RPS6KC1: variants seen among roughly 807,000 people sequenced by gnomAD.
RPS6KC1 encodes the protein inactive ribosomal protein S6 kinase delta-1.
Under a neutral mutation model 103.8 loss-of-function variants are expected in RPS6KC1, and 54 were observed. That is an observed-to-expected ratio of 0.52 (90% CI 0.42 to 0.65). RPS6KC1 has a LOEUF of 0.65. Among genes scored for constraint, RPS6KC1 ranks in the 30% least tolerant of loss-of-function variants. The probability of loss-of-function intolerance (pLI) is 0.00; values close to 1 mark genes in which losing one functional copy is unlikely to be tolerated. For missense variants in RPS6KC1, 1,151 were observed against 1,253.8 expected (o/e 0.92, Z 1.24); for synonymous variants, 439 against 438.7 (o/e 1.00, Z -0.01).
At chr1:213,566,437 G>GTTTTTTTTTTTTTT in the RPS6KC1 span, among the ~76,000 whole-genome samples, 10 of 48,520 alleles carry the variant, frequency 2.1e-4, no homozygotes, top group East Asian at 9.2e-4. Context: ...TCAGCCTTTA[G>GTTTTTTTTTTTTTT]TTTTTTTTTT....
the RPS6KC1 span, among the ~76,000 whole-genome samples, chr1:213,496,632 C>A: frequency 6.6e-6 from 1 of 152,182 alleles, no homozygotes; most frequent in South Asian, 2.1e-4. Context: ...GTGGTACGTG[C>A]CTATAATCCC....
At chr1:213,852,242 T>A in the RPS6KC1 span, among the ~76,000 whole-genome samples, 1 of 152,226 alleles carries the variant, frequency 6.6e-6, no homozygotes, top group Admixed American at 6.5e-5. Flanking sequence ...CTCCTTAGCA[T>A]GGCATACAGA....
chr1:213,117,939 T>C (rs901463505), intron 5 of RPS6KC1, among the ~76,000 whole-genome samples: 1 of 145,890 alleles, frequency 6.9e-6, no homozygotes, highest in African/African-American at 2.6e-5. Flanking sequence ...CAAGAATCGC[T>C]TGAACCTGGG....
chr1:213,589,739 G>C, the RPS6KC1 span, among the ~76,000 whole-genome samples: 2 of 151,638 alleles, frequency 1.3e-5, no homozygotes, highest in African/African-American at 4.9e-5. Flanking sequence ...CCCATACATT[G>C]TACCACCCAT....
chr1:213,707,181 C>T, the RPS6KC1 span, among the ~76,000 whole-genome samples: 19 of 152,156 alleles, frequency 1.2e-4, no homozygotes, highest in Admixed American at 5.9e-4. Context: ...TAAAAGCATT[C>T]CTATTTCTCC....
At chr1:213,705,493 T>C in the RPS6KC1 span, among the ~76,000 whole-genome samples, 1 of 152,032 alleles carries the variant, frequency 6.6e-6, no homozygotes, top group Non-Finnish European at 1.5e-5. Context: ...GAATGCTGCC[T>C]GGGCCTGGGA....
chr1:213,197,129 G>C (rs558923429), intron 8 of RPS6KC1, among the ~76,000 whole-genome samples: 82 of 152,118 alleles, frequency 5.4e-4, no homozygotes, highest in African/African-American at 1.9e-3. Flanking sequence ...GAGCCACCGT[G>C]CCCGGCCTCT....
chr1:213,487,496 T>C, the RPS6KC1 span, among the ~76,000 whole-genome samples: 1,107 of 75,198 alleles, frequency 0.015, 13 homozygotes, highest in African/African-American at 0.046. Context: ...GCCTGAGTGA[T>C]TTTTTTTTTT....
At chr1:213,858,700 G>A in the RPS6KC1 span, among the ~76,000 whole-genome samples, 1 of 152,178 alleles carries the variant, frequency 6.6e-6, no homozygotes, top group Non-Finnish European at 1.5e-5. Context: ...TATGGCATTT[G>A]GCAGTGGCTC....
At chr1:213,061,619 C>T (rs1453995452) in intron 1 of RPS6KC1, among the ~76,000 whole-genome samples, 1 of 151,062 alleles carries the variant, frequency 6.6e-6, no homozygotes, top group African/African-American at 2.4e-5. Flanking sequence ...GTATGAAGTC[C>T]AGTTTAAATA....
Position 213,241,663 on chromosome 1 carries a change from T to A in RPS6KC1, c.2187T>A (p.Pro729=). Residue 729 remains proline (P), a synonymous_variant, in exon 11 of 15, where the codon CCT becomes CCA. Transcript: ENST00000366960. ...TAGAAAATAAACTCTTGGAAGCCCC[T>A]GATGTTTTATGCCTCAGGCTTAGTA... ...GIIENKLLEA[P]DVLCLRLSTE... 6.2e-7 allele frequency: 1 copy of A among 1,613,854 alleles called. No homozygotes were observed. Among genetic ancestry groups the A allele is most frequent in the Non-Finnish European group, 8.5e-7 (1 of 1,179,928 alleles).
At chr1:213,756,242 C>G in the RPS6KC1 span, among the ~76,000 whole-genome samples, 8 of 152,216 alleles carry the variant, frequency 5.3e-5, no homozygotes, top group East Asian at 1.5e-3. Flanking sequence ...GAGCAAAAGA[C>G]CATGTGCCCA....
At chr1:213,299,836 G>T in the RPS6KC1 span, among the ~76,000 whole-genome samples, 1 of 152,040 alleles carries the variant, frequency 6.6e-6, no homozygotes, top group East Asian at 1.9e-4. Flanking sequence ...ACGGAGTCTC[G>T]TTCTGTCGCC....
the RPS6KC1 span, among the ~76,000 whole-genome samples, chr1:213,466,244 CT>C: frequency 6.6e-6 from 1 of 151,890 alleles, no homozygotes; most frequent in Non-Finnish European, 1.5e-5. Flanking sequence ...AAGATCTGGC[CT>C]TTTAAAAGTT....
chr1:213,615,208 C>A, the RPS6KC1 span, among the ~76,000 whole-genome samples: 2 of 152,224 alleles, frequency 1.3e-5, no homozygotes, highest in African/African-American at 4.8e-5. Flanking sequence ...AGAGAACACA[C>A]CTTCAGCTCC....
At chr1:213,716,311 A>C in the RPS6KC1 span, among the ~76,000 whole-genome samples, 1 of 152,184 alleles carries the variant, frequency 6.6e-6, no homozygotes, top group Non-Finnish European at 1.5e-5. Context: ...TGGACGAGGC[A>C]TCCTGGGGCT....
the RPS6KC1 span, among the ~76,000 whole-genome samples, chr1:213,398,351 C>G: frequency 6.6e-6 from 1 of 152,104 alleles, no homozygotes; most frequent in East Asian, 1.9e-4. Context: ...CTGGCCTCAT[C>G]AGCTTTGACT....
chr1:213,703,832 C>G, the RPS6KC1 span, among the ~76,000 whole-genome samples: 1 of 152,052 alleles, frequency 6.6e-6, no homozygotes, highest in Non-Finnish European at 1.5e-5. Flanking sequence ...CCTTGGTGTT[C>G]ATAACCTTCT....
At chr1:213,057,776 T>TTTTTTTTTG (rs2077461608) in intron 1 of RPS6KC1, among the ~76,000 whole-genome samples, 1 of 136,180 alleles carries the variant, frequency 7.3e-6, no homozygotes, top group African/African-American at 2.8e-5. Context: ...TTTTTTTTTT[T>TTTTTTTTTG]CCTTTGAGAC....
Sources: gnomAD v4.1 joint callset for allele counts (sites outside exome capture counted in the v4.1 genomes callset) on GRCh38, gnomAD v4.1.1 for gene constraint, MANE v1.5 for transcripts, NCBI Gene and HGNC (gene_info 2026-07-23, HGNC 2026-07-21) for gene names.